BTBD10: variants seen among roughly 807,000 people sequenced by gnomAD.
BTBD10 encodes BTB domain containing 10.
Under a neutral mutation model 53.2 loss-of-function variants are expected in BTBD10, and 21 were observed. That is an observed-to-expected ratio of 0.39 (90% CI 0.28 to 0.57). BTBD10 has a LOEUF of 0.57. Ranked by LOEUF, BTBD10 falls within the 20% of genes least tolerant of loss-of-function variation. BTBD10 has a pLI of 0.53. For synonymous variants in BTBD10, 149 were observed against 192.7 expected, an observed-to-expected ratio of 0.77 and a Z score of 1.88; for missense variants, 360 against 594.7, an observed-to-expected ratio of 0.61 and a Z score of 4.10.
At chr11:13,438,888 T>C (rs555550400) in intron 2 of BTBD10, among the ~76,000 whole-genome samples, 1 of 152,108 alleles carries the variant, frequency 6.6e-6, no homozygotes, top group South Asian at 2.1e-4. Context: ...TCTGCTTTTA[T>C]AACTCTATTT....
At chr11:13,436,965 T>A (rs974281943) in intron 2 of BTBD10, among the ~76,000 whole-genome samples, 1 of 152,158 alleles carries the variant, frequency 6.6e-6, no homozygotes, top group Non-Finnish European at 1.5e-5. Flanking sequence ...GTAATTTTAG[T>A]AGAGACAGGG....
At position 13,436,628 on chromosome 11, in the gene BTBD10, G is replaced by A. The variant is rs571943476; in HGVS notation, c.101+8396C>T. 9.2e-5 allele frequency among the ~76,000 whole-genome samples: 14 copies of A among 152,314 alleles called. No individual in the cohort carries two copies. In the South Asian group the frequency reaches 1.0e-3, roughly 11 times the overall value. ...ATATAGTTAATTAAGTGCTGGATCT[G>A]AACCAAGGGGTTCAATTTCAGAGCT... is the stretch of plus-strand genomic sequence containing the variant. On this transcript the variant is annotated intron_variant, in intron 2 of 8. Transcript: ENST00000278174.
chr11:13,403,113 T>C (rs1949746840), intron 8 of BTBD10, 55 bp downstream of exon 8: 1 of 1,109,258 alleles, frequency 9.0e-7, no homozygotes. Context: ...TCCAATTGTT[T>C]TTAACCTTTT....
At chr11:13,403,471 A>C (rs889074300) in intron 7 of BTBD10, among the ~76,000 whole-genome samples, 193 bp from the exon 8 acceptor site, 1 of 152,194 alleles carries the variant, frequency 6.6e-6, no homozygotes, top group African/African-American at 2.4e-5. Context: ...ATGTCTACTT[A>C]AGTGGAAACA....
At chr11:13,437,223 T>C (rs1015658791) in intron 2 of BTBD10, among the ~76,000 whole-genome samples, 2 of 152,220 alleles carry the variant, frequency 1.3e-5, no homozygotes, top group Non-Finnish European at 2.9e-5. Context: ...TTAATTGAAA[T>C]GGATTTTTTA....
chr11:13,391,402 A>G (rs185982809), intron 8 of BTBD10, among the ~76,000 whole-genome samples: 65 of 152,308 alleles, frequency 4.3e-4, no homozygotes, highest in Non-Finnish European at 7.6e-4. Flanking sequence ...TATGCTCCAT[A>G]GCACTCCCAT....
intron 1 of BTBD10, among the ~76,000 whole-genome samples, chr11:13,459,152 G>C (rs1204017283): frequency 6.7e-6 from 1 of 149,378 alleles, no homozygotes; most frequent in African/African-American, 2.4e-5. Context: ...CGCCTCCCGG[G>C]TTCACGCCAT....
Position 13,446,945 on chromosome 11 carries a change from GA to G in BTBD10, c.-57-1765del, listed in dbSNP as rs377578233. ...ACAAATCGGAGAAGCAAAGGAGAAA[GA>G]AAAAAAGTAGTCACCAAAAGAGATG... On this transcript the variant is annotated intron_variant, in intron 1 of 8. Transcript: ENST00000278174. Among the ~76,000 whole-genome samples the G allele has an allele frequency of 8.5e-3, 1,288 of 151,972 alleles. 22 individuals carry two copies. Among genetic ancestry groups the G allele is most frequent in the African/African-American group, 0.029 (1,201 of 41,454 alleles).
chr11:13,458,999 T>C (rs552637178), intron 1 of BTBD10, among the ~76,000 whole-genome samples: 28 of 152,116 alleles, frequency 1.8e-4, no homozygotes, highest in African/African-American at 6.5e-4. Context: ...GTACCTAAGA[T>C]TCTCTGTCAG....
intron 1 of BTBD10, among the ~76,000 whole-genome samples, chr11:13,447,041 T>C (rs372749934): frequency 7.9e-5 from 12 of 152,334 alleles, no homozygotes; most frequent in African/African-American, 2.9e-4. Flanking sequence ...GCAGATTCTG[T>C]AGAATGAGAT....
chr11:13,395,563 T>G (rs896242801), intron 8 of BTBD10, among the ~76,000 whole-genome samples: 4 of 152,250 alleles, frequency 2.6e-5, no homozygotes, highest in Non-Finnish European at 4.4e-5. Context: ...TTTGTCAATT[T>G]TGGCTTTTGT....
At chr11:13,416,474 A>C (rs1316093188) in intron 5 of BTBD10, among the ~76,000 whole-genome samples, 2 of 152,236 alleles carry the variant, frequency 1.3e-5, no homozygotes, top group African/African-American at 4.8e-5. Flanking sequence ...TATGTGCAAT[A>C]AAATAATAGA....
At chr11:13,392,376 G>A (rs1949431931) in intron 8 of BTBD10, among the ~76,000 whole-genome samples, 1 of 152,136 alleles carries the variant, frequency 6.6e-6, no homozygotes, top group African/African-American at 2.4e-5. Context: ...GTAAGCTAGA[G>A]AGGCAGGAAC....
chr11:13,427,822 C>A lies in BTBD10; in HGVS notation c.102-5984G>T, dbSNP rs566506354. On this transcript the variant is annotated intron_variant, in intron 2 of 8. Coordinates refer to ENST00000278174, the MANE Select transcript of BTBD10 (RefSeq NM_032320.7). Reference sequence around the variant, plus strand: ...AAAGTAAAATTCAATAACAGAGATACCTAGAAAATTCCCAAATACTTGGAA... The same window carrying A: ...AAAGTAAAATTCAATAACAGAGATAACTAGAAAATTCCCAAATACTTGGAA... 7.9e-5 allele frequency among the ~76,000 whole-genome samples: 12 copies of A among 152,134 alleles called. No homozygotes were observed. The South Asian group carries it at 1.9e-3, about 24-fold the overall frequency.
At chr11:13,436,856 A>T (rs1284740018) in intron 2 of BTBD10, among the ~76,000 whole-genome samples, 1 of 152,062 alleles carries the variant, frequency 6.6e-6, no homozygotes, top group Non-Finnish European at 1.5e-5. Context: ...ATCTCTGCTC[A>T]CTGCAACCTC....
At chr11:13,456,339 A>G (rs1373743753) in intron 1 of BTBD10, among the ~76,000 whole-genome samples, 3 of 152,218 alleles carry the variant, frequency 2.0e-5, no homozygotes, top group Non-Finnish European at 4.4e-5. Flanking sequence ...GAGAAAAGAC[A>G]GACACTAATA....
chr11:13,429,398 A>G (rs907063325), intron 2 of BTBD10, among the ~76,000 whole-genome samples: 2 of 152,204 alleles, frequency 1.3e-5, no homozygotes, highest in Non-Finnish European at 2.9e-5. Flanking sequence ...ACATATTAAA[A>G]AACTGTAGTA....
chr11:13,427,074 G>A (rs189223233), intron 2 of BTBD10, among the ~76,000 whole-genome samples: 3 of 152,194 alleles, frequency 2.0e-5, no homozygotes, highest in Admixed American at 1.3e-4. Context: ...AAAATTAGCT[G>A]GGTGTGGTGG....
chr11:13,451,757 C>A (rs1458576247), intron 1 of BTBD10, among the ~76,000 whole-genome samples: 1 of 152,154 alleles, frequency 6.6e-6, no homozygotes, highest in Non-Finnish European at 1.5e-5. Flanking sequence ...CAGAAACTGA[C>A]TCCAAGTTGG....
Sources: allele counts gnomAD v4.1 joint callset (sites outside exome capture counted in the v4.1 genomes callset), GRCh38; gene constraint gnomAD v4.1.1; transcripts MANE v1.5; gene names NCBI Gene and HGNC (gene_info 2026-07-23, HGNC 2026-07-21).